CRY1: variants seen among roughly 807,000 people sequenced by gnomAD.
CRY1 encodes the protein cryptochrome circadian regulator 1.
Under a neutral mutation model 76.0 loss-of-function variants are expected in CRY1, and 45 were observed. The observed-to-expected ratio is 0.59, with a 90% CI of 0.47 to 0.76. CRY1 has a LOEUF of 0.76. Ranked by LOEUF, CRY1 falls within the 30% of genes least tolerant of loss-of-function variation. CRY1 has a pLI of 0.00. For synonymous variants in CRY1, 248 were observed against 244.0 expected, an observed-to-expected ratio of 1.02 and a Z score of -0.15; for missense variants, 587 against 716.4, an observed-to-expected ratio of 0.82 and a Z score of 2.06.
At chr12:107,031,561 A>C (rs1054003767) in intron 1 of CRY1, among the ~76,000 whole-genome samples, 1 of 152,174 alleles carries the variant, frequency 6.6e-6, no homozygotes, top group African/African-American at 2.4e-5. Context: ...TACTACCTTA[A>C]CCACACAATC....
rs2136845086 is a variant in CRY1, at chr12:107,022,156, A to G, written c.195T>C (p.Asn65=). 1.2e-6 allele frequency: 2 copies of G among 1,602,774 alleles called. No homozygotes were observed. Among genetic ancestry groups the G allele is most frequent in the South Asian group, 2.2e-5 (2 of 88,940 alleles). ...LLQCLEDLDA[N]LRKLNSRLFV... Reference sequence around the variant, plus strand: ...ACAGACGGGAGTTTAATTTTCGTAGATTGGCATCAAGATCCTCAAGACACT... The same window carrying G: ...ACAGACGGGAGTTTAATTTTCGTAGGTTGGCATCAAGATCCTCAAGACACT... The change falls in exon 2 of 13, where the codon AAT becomes AAC. Residue 65 remains asparagine, a synonymous_variant. Coordinates refer to ENST00000008527, the MANE Select transcript of CRY1 (RefSeq NM_004075.5).
At chr12:107,057,024 T>C (rs1952992079) in intron 1 of CRY1, among the ~76,000 whole-genome samples, 1 of 152,088 alleles carries the variant, frequency 6.6e-6, no homozygotes, top group Non-Finnish European at 1.5e-5. Context: ...AGTAAAGTGA[T>C]TACAGATGAT....
chr12:107,048,850 A>T (rs779828763), intron 1 of CRY1, among the ~76,000 whole-genome samples: 1 of 152,206 alleles, frequency 6.6e-6, no homozygotes, highest in African/African-American at 2.4e-5. Context: ...TCCATAATTG[A>T]TAAGTCTAAT....
intron 1 of CRY1, among the ~76,000 whole-genome samples, chr12:107,058,892 T>C (rs1266003409): frequency 6.6e-6 from 1 of 152,196 alleles, no homozygotes; most frequent in East Asian, 1.9e-4. Flanking sequence ...TTTTCAATTA[T>C]ACAAAAAAGC....
At chr12:107,066,995 A>T (rs1044827849) in intron 1 of CRY1, among the ~76,000 whole-genome samples, 37 of 152,074 alleles carry the variant, frequency 2.4e-4, no homozygotes, top group African/African-American at 7.7e-4. Context: ...TTGTTTGAAG[A>T]GACTGAGTCT....
intron 2 of CRY1, among the ~76,000 whole-genome samples, chr12:107,017,674 A>G (rs1952512017): frequency 6.6e-6 from 1 of 152,218 alleles, no homozygotes; most frequent in Admixed American, 6.5e-5. Context: ...GGAATTCACA[A>G]TGTCTTCTTT....
At chr12:107,055,541 A>T (rs938858132) in intron 1 of CRY1, among the ~76,000 whole-genome samples, 1 of 152,136 alleles carries the variant, frequency 6.6e-6, no homozygotes, top group Admixed American at 6.5e-5. Context: ...CCATTTCAAT[A>T]AGTTAGCGTA....
chr12:107,046,335 A>G (rs1414453305), intron 1 of CRY1, among the ~76,000 whole-genome samples: 2 of 152,098 alleles, frequency 1.3e-5, no homozygotes, highest in African/African-American at 4.8e-5. Context: ...CTAAAAACAC[A>G]AAGACAATAA....
At chr12:107,036,052 C>G (rs1952729359) in intron 1 of CRY1, among the ~76,000 whole-genome samples, 1 of 152,200 alleles carries the variant, frequency 6.6e-6, no homozygotes, top group East Asian at 1.9e-4. Context: ...ACCGTCCCAG[C>G]TATTATGACC....
intron 1 of CRY1, chr12:107,050,375 G>C (rs565680855): frequency 6.6e-6 from 1 of 152,452 alleles, no homozygotes; most frequent in East Asian, 1.9e-4. Context: ...TGGGCCTAGG[G>C]GGGAGCCATT....
intron 1 of CRY1, among the ~76,000 whole-genome samples, chr12:107,075,574 A>G (rs1953242441): frequency 6.6e-6 from 1 of 152,186 alleles, no homozygotes; most frequent in Non-Finnish European, 1.5e-5. Context: ...GTCAACTTGA[A>G]ATTCCATCAG....
At chr12:106,999,890 T>A (rs769639156) in intron 6 of CRY1, 28 bp from the exon 7 acceptor site, 1 of 1,590,564 alleles carries the variant, frequency 6.3e-7, no homozygotes, top group Non-Finnish European at 8.5e-7. Context: ...AGAAGTATTA[T>A]CAGAATTTTT....
At chr12:107,066,192 A>G (rs1202561768) in intron 1 of CRY1, among the ~76,000 whole-genome samples, 1 of 152,222 alleles carries the variant, frequency 6.6e-6, no homozygotes, top group Non-Finnish European at 1.5e-5. Context: ...CCCATCCCCC[A>G]ACACCAACTT....
At chr12:106,997,732 A>C in intron 8 of CRY1, 42 bp from the exon 9 acceptor site, 1 of 1,604,976 alleles carries the variant, frequency 6.2e-7, no homozygotes, top group Non-Finnish European at 8.5e-7. Flanking sequence ...AATGCACTCT[A>C]AGCAAACTAT....
chr12:107,042,632 T>C (rs1593521076), intron 1 of CRY1, among the ~76,000 whole-genome samples: 1 of 152,160 alleles, frequency 6.6e-6, no homozygotes, highest in Admixed American at 6.5e-5. Flanking sequence ...TGGAAGCCCC[T>C]AGCACTCATC....
At chr12:107,006,370 C>T (rs1456492809) in intron 2 of CRY1, among the ~76,000 whole-genome samples, 5 of 150,110 alleles carry the variant, frequency 3.3e-5, no homozygotes, top group Non-Finnish European at 7.4e-5. Flanking sequence ...AGCGAGGCTC[C>T]ATCTCAAAAA....
chr12:107,013,202 T>A (rs1445428629), intron 2 of CRY1, among the ~76,000 whole-genome samples: 1 of 152,154 alleles, frequency 6.6e-6, no homozygotes, highest in East Asian at 1.9e-4. Context: ...AAGAGTCAAT[T>A]GATGTGGCAA....
At position 107,005,090 on chromosome 12, in the gene CRY1, A is replaced by C; in HGVS notation, c.410+16T>G. The C allele has an allele frequency of 6.3e-7, 1 of 1,587,758 alleles. No individual in the cohort carries two copies. Among genetic ancestry groups the C allele is most frequent in the Non-Finnish European group, 8.5e-7 (1 of 1,172,302 alleles). ...TATACGCATTTTCCCACAGTAAAAA[A>C]AAAAAAAGGACTCACTTGTCTAGGT... On this transcript the variant is annotated intron_variant, in intron 3 of 12. Transcript: ENST00000008527.
chr12:107,059,786 G>A (rs1490715621), intron 1 of CRY1, among the ~76,000 whole-genome samples: 3 of 152,162 alleles, frequency 2.0e-5, no homozygotes, highest in Non-Finnish European at 4.4e-5. Flanking sequence ...ATCTACACAG[G>A]TAAGGCTCTG....
Sources: allele counts gnomAD v4.1 joint callset (sites outside exome capture counted in the v4.1 genomes callset), GRCh38; gene constraint gnomAD v4.1.1; transcripts MANE v1.5; gene names NCBI Gene and HGNC (gene_info 2026-07-23, HGNC 2026-07-21).